The following ZNF92 variants were observed in gnomAD, a reference collection of about 807,000 sequenced individuals.
The protein encoded by ZNF92 is epididymis luminal protein 203.
A neutral mutation model predicts 12.4 loss-of-function variants in ZNF92; 11 were observed. The ratio of observed to expected loss-of-function variants is 0.89; its 90% CI spans 0.56 to 1.47. The LOEUF (loss-of-function observed/expected upper bound fraction) is 1.47, where lower values mean the gene tolerates loss of function less well. ZNF92 is among the 40% of genes most tolerant of loss of function. The probability of loss-of-function intolerance (pLI) is 0.00; values close to 1 mark genes in which losing one functional copy is unlikely to be tolerated. For missense variants in ZNF92, 622 were observed against 681.0 expected, an observed-to-expected ratio of 0.91 and a Z score of 0.96; for synonymous variants, 206 against 228.6, an observed-to-expected ratio of 0.90 and a Z score of 0.89.
chr7:65,395,786 A>G (rs1793833729), intron 3 of ZNF92, among the ~76,000 whole-genome samples: 1 of 152,170 alleles, frequency 6.6e-6, no homozygotes, highest in Non-Finnish European at 1.5e-5. Flanking sequence ...GTCTGATATA[A>G]TTATGACTGC....
intron 3 of ZNF92, among the ~76,000 whole-genome samples, chr7:65,397,766 TG>T (rs1234903653): frequency 6.6e-6 from 1 of 152,184 alleles, no homozygotes; most frequent in African/African-American, 2.4e-5. Context: ...TTGTGTTTTT[TG>T]TTAAGTCGGT....
At chr7:65,384,469 T>C (rs1223941514) in intron 1 of ZNF92, among the ~76,000 whole-genome samples, 1 of 152,140 alleles carries the variant, frequency 6.6e-6, no homozygotes, top group Non-Finnish European at 1.5e-5. Flanking sequence ...GAGCTGTTGC[T>C]CAGGATTTCT....
chr7:65,385,741 A>G (rs1168509888), intron 1 of ZNF92, among the ~76,000 whole-genome samples: 1 of 152,080 alleles, frequency 6.6e-6, no homozygotes, highest in Non-Finnish European at 1.5e-5. Context: ...GTAGCAGGTA[A>G]ACAGGTGGTG....
intron 1 of ZNF92, among the ~76,000 whole-genome samples, chr7:65,383,519 T>G (rs909493051): frequency 9.2e-5 from 14 of 152,202 alleles, no homozygotes; most frequent in Middle Eastern, 3.4e-3. Flanking sequence ...GTGTGGCTAT[T>G]TGAGCTTTTC....
rs1332725251 is a variant in ZNF92 at position 65,400,630 on chromosome 7, GTTAT to G, written c.*760_*763del. On this transcript the variant is annotated 3_prime_UTR_variant, in exon 4 of 4. Transcript: ENST00000328747. ...ATCCAAAACTAAAATTGTTAGGTAA[GTTAT>G]TTATATATAACTTTAAAAGAAGTAG... is the stretch of plus-strand genomic sequence containing the variant. The G allele has an allele frequency of 6.6e-6, 1 of 151,868 alleles. No homozygotes were observed. Among genetic ancestry groups the G allele is most frequent in the African/African-American group, 2.4e-5 (1 of 41,362 alleles). 9.4% of individuals were successfully genotyped at this position (151,868 alleles called of 1,614,324 possible). A position where few individuals can be genotyped will look rare whatever the true frequency, so the allele number is the denominator to read the frequency against.
rs573367670 is a variant in ZNF92, at chr7:65,400,281, A to G, written c.*406A>G. Reference sequence around the variant, plus strand: ...AGAGGGTTGTAGTACCTTTAGTTTTATGATAGATCTTATTGTACACATTTT... The same window carrying G: ...AGAGGGTTGTAGTACCTTTAGTTTTGTGATAGATCTTATTGTACACATTTT... On this transcript the variant is annotated 3_prime_UTR_variant, in exon 4 of 4. Coordinates refer to ENST00000328747, the MANE Select transcript of ZNF92 (RefSeq NM_152626.4). The G allele has an allele frequency of 6.4e-6, 1 of 156,948 alleles. No individual in the cohort carries two copies. The highest frequency in any genetic ancestry group is 2.4e-5 in the African/African-American group (1 of 41,580). The allele number at this position is 156,948 out of a possible 1,614,324, so 9.7% of individuals were successfully genotyped here.
chr7:65,390,538 G>A (rs1376948645), intron 3 of ZNF92, among the ~76,000 whole-genome samples: 1 of 152,120 alleles, frequency 6.6e-6, no homozygotes, highest in East Asian at 1.9e-4. Context: ...ACCTTTACTG[G>A]CTTATTACAA....
chr7:65,388,744 T>G, intron 2 of ZNF92, 62 bp from the exon 3 acceptor site: 1 of 1,372,368 alleles, frequency 7.3e-7, no homozygotes, highest in Non-Finnish European at 1.0e-6. Context: ...ACTGAGCATA[T>G]TACTATGTTG....
At chr7:65,381,562 C>T (rs1024389105) in intron 1 of ZNF92, among the ~76,000 whole-genome samples, 1 of 151,962 alleles carries the variant, frequency 6.6e-6, no homozygotes, top group East Asian at 1.9e-4. Context: ...TCGATTTTTG[C>T]TTTTGTGGCG....
intron 3 of ZNF92, among the ~76,000 whole-genome samples, chr7:65,396,505 A>G (rs776507919): frequency 6.6e-6 from 1 of 152,072 alleles, no homozygotes; most frequent in African/African-American, 2.4e-5. Flanking sequence ...ATTCAGATTT[A>G]TATTTTGTTT....
Position 65,399,971 on chromosome 7 carries a change from A to G in ZNF92, c.*96A>G, listed in dbSNP as rs2116419246. 2 of 1,109,178 alleles carry G rather than the reference A, an allele frequency of 1.8e-6. No homozygotes were observed. The highest frequency in any genetic ancestry group is 3.7e-5 in the South Asian group (2 of 54,590). The allele number at this position is 1,109,178 out of a possible 1,614,324, so 68.7% of individuals were successfully genotyped here. Reference sequence around the variant, plus strand: ...GTGAGGAATATGACAAGGACTTTAAATGGTTGTCACGCTTGATTGTAGGTA... The same window carrying G: ...GTGAGGAATATGACAAGGACTTTAAGTGGTTGTCACGCTTGATTGTAGGTA... On this transcript the variant is annotated 3_prime_UTR_variant, in exon 4 of 4. Coordinates refer to ENST00000328747, the MANE Select transcript of ZNF92 (RefSeq NM_152626.4).
At chr7:65,374,252 G>A (rs1195733508) in intron 1 of ZNF92, among the ~76,000 whole-genome samples, 2 of 152,162 alleles carry the variant, frequency 1.3e-5, no homozygotes, top group Non-Finnish European at 2.9e-5. Flanking sequence ...TCCCTGGGCA[G>A]CTCTGCACCC....
chr7:65,388,837 C>T lies in ZNF92; in HGVS notation c.162C>T (p.Thr54=), dbSNP rs1416213945. 6.3e-7 allele frequency: 1 copy of T among 1,585,386 alleles called. No homozygotes were observed. The highest frequency in any genetic ancestry group is 1.1e-5 in the South Asian group (1 of 90,638). Residue 54 remains threonine (T), a synonymous_variant, in exon 3 of 4, where the codon ACC becomes ACT. Coordinates refer to ENST00000328747, the MANE Select transcript of ZNF92 (RefSeq NM_152626.4). ...GIAVSKPDLI[T]WLEQGKEPWN... ...CTGTCTCTAAGCCAGACCTGATCAC[C>T]TGGCTGGAGCAAGGAAAAGAGCCCT...
In ZNF92 at chr7:65,387,988, A is replaced by C. The variant is rs748881302; in HGVS notation, c.90A>C (p.Arg30Ser). ...CLDTAQRNLYRDVMLENYRNL... is the reference protein window; with the variant it reads ...CLDTAQRNLYSDVMLENYRNL... ...ACACTGCGCAGCGGAATTTATATAG[A>C]GATGTGATGTTAGAGAACTACAGAA... The change falls in exon 2 of 4, where the codon AGA becomes AGC. Residue 30 changes from arginine (R) to serine (S), a missense_variant. By Grantham distance (110) the Arg-to-Ser change is moderately radical (BLOSUM62 -1). Coordinates refer to ENST00000328747, the MANE Select transcript of ZNF92 (RefSeq NM_152626.4). The C allele has an allele frequency of 1.9e-6, 3 of 1,609,282 alleles. No individual in the cohort carries two copies. Among genetic ancestry groups the C allele is most frequent in the Non-Finnish European group, 2.5e-6 (3 of 1,177,810 alleles).
rs1355522195 is a variant in ZNF92, at chr7:65,398,939, TA to T, written c.829del (p.Arg277GlufsTer57). 1 of 1,613,224 alleles carries T rather than the reference TA, an allele frequency of 6.2e-7. No homozygotes were observed. The highest frequency in any genetic ancestry group is 2.2e-5 in the East Asian group (1 of 44,818). On this transcript the variant is annotated frameshift_variant, in exon 4 of 4. Coordinates refer to ENST00000328747, the MANE Select transcript of ZNF92 (RefSeq NM_152626.4). LOFTEE classifies it low-confidence loss of function (END_TRUNC). ...FNRSSTLTKH[K>X]RIHTEEKPYK... ...ACCGGTCCTCAACCCTTACTAAACA[TA>T]AAAGAATTCATACAGAAGAGAAACC... is the stretch of plus-strand genomic sequence containing the variant.
intron 1 of ZNF92, among the ~76,000 whole-genome samples, chr7:65,376,193 G>A (rs1283417562): frequency 4.6e-5 from 7 of 152,022 alleles, no homozygotes; most frequent in East Asian, 1.9e-4. Context: ...GATTACAGGC[G>A]TGAGGCACCA....
intron 1 of ZNF92, among the ~76,000 whole-genome samples, chr7:65,381,076 C>T (rs888853653): frequency 6.6e-6 from 1 of 151,936 alleles, no homozygotes; most frequent in East Asian, 1.9e-4. Flanking sequence ...TGCAGTGGCA[C>T]GATCTCGGCT....
In ZNF92 at chr7:65,398,717, C is replaced by T. The variant is rs962995846; in HGVS notation, c.603C>T (p.Tyr201=). Residue 201 remains tyrosine (Y), a synonymous_variant, in exon 4 of 4, where the codon TAC becomes TAT. Transcript: ENST00000328747. The part of the protein sequence containing the change: ...HKKIHTREYS[Y]KCEECGKAFN... ...AAATTCATACTAGAGAGTATTCTTA[C>T]AAATGTGAAGAATGTGGTAAAGCCT... is the stretch of plus-strand genomic sequence containing the variant. 1 of 1,611,902 alleles carries T rather than the reference C, an allele frequency of 6.2e-7. No individual in the cohort carries two copies. The highest frequency in any genetic ancestry group is 1.7e-5 in the Admixed American group (1 of 59,728).
chr7:65,388,047 C>T lies in ZNF92; in HGVS notation c.130+19C>T, dbSNP rs199555729. The T allele has an allele frequency of 6.3e-7, 1 of 1,577,638 alleles. No homozygotes were observed. Among genetic ancestry groups the T allele is most frequent in the Non-Finnish European group, 8.6e-7 (1 of 1,166,358 alleles). On this transcript the variant is annotated intron_variant, in intron 2 of 3. Transcript: ENST00000328747. ...TTCCTTGGTGAGGATAACTTCAATA[C>T]ACAATACACAATGCTCTAAAAGTTT...
Sources: gnomAD v4.1 joint callset for allele counts (sites outside exome capture counted in the v4.1 genomes callset) on GRCh38, gnomAD v4.1.1 for gene constraint, MANE v1.5 for transcripts, NCBI Gene and HGNC (gene_info 2026-07-23, HGNC 2026-07-21) for gene names.